The following GRIK2 variants were observed in gnomAD, a reference collection of about 807,000 sequenced individuals.
GRIK2 encodes glutamate ionotropic receptor kainate type subunit 2, also known as glutamate receptor ionotropic, kainate 2.
A neutral mutation model predicts 100.3 loss-of-function variants in GRIK2; 32 were observed. That is an observed-to-expected ratio of 0.32 (90% CI 0.24 to 0.43). The LOEUF (loss-of-function observed/expected upper bound fraction) is 0.43. Ranked by LOEUF, GRIK2 falls within the 20% of genes least tolerant of loss-of-function variation. GRIK2 has a pLI of 1.00. For missense variants in GRIK2, 843 were observed against 1,114.9 expected (o/e 0.76, Z 3.47); for synonymous variants, 417 against 389.4 (o/e 1.07, Z -0.83).
chr6:101,815,744 C>A lies in GRIK2; in HGVS notation c.1204-2626C>A, dbSNP rs370684596. Among the ~76,000 whole-genome samples the A allele has an allele frequency of 5.9e-5, 9 of 152,030 alleles. No homozygotes were observed. In the East Asian group the frequency reaches 7.8e-4, roughly 13 times the overall value. ...TTTTTGCCATTAAAACAAAACAAAACCTCTGGTGACAATTTCCTCAATGGA... is the reference window on the plus strand; with the variant it reads ...TTTTTGCCATTAAAACAAAACAAAAACTCTGGTGACAATTTCCTCAATGGA... On this transcript the variant is annotated intron_variant, in intron 9 of 16. Coordinates refer to ENST00000369134, the MANE Select transcript of GRIK2 (RefSeq NM_021956.5).
chr6:101,794,188 T>G (rs1780116549), intron 7 of GRIK2, among the ~76,000 whole-genome samples: 1 of 152,172 alleles, frequency 6.6e-6, no homozygotes, highest in African/African-American at 2.4e-5. Context: ...CTCGCCCTGC[T>G]TCGGCTCGCG....
At chr6:101,760,382 T>C (rs1227215206) in intron 7 of GRIK2, among the ~76,000 whole-genome samples, 1 of 55,306 alleles carries the variant, frequency 1.8e-5, no homozygotes, top group Non-Finnish European at 2.5e-5. Flanking sequence ...TTATTATATA[T>C]AATTAATTAT....
At chr6:101,635,685 G>T (rs767778009) in intron 4 of GRIK2, among the ~76,000 whole-genome samples, 26 of 152,214 alleles carry the variant, frequency 1.7e-4, no homozygotes, top group African/African-American at 5.8e-4. Context: ...CAAAAAGTGG[G>T]TGAAGGATAT....
At chr6:101,843,725 A>G (rs531409226) in intron 10 of GRIK2, among the ~76,000 whole-genome samples, 62 of 152,308 alleles carry the variant, frequency 4.1e-4, no homozygotes, top group African/African-American at 1.3e-3. Flanking sequence ...TAATGATGCT[A>G]AGGTAGTGCT....
chr6:101,859,940 T>G (rs531079281), intron 11 of GRIK2, among the ~76,000 whole-genome samples: 1 of 152,304 alleles, frequency 6.6e-6, no homozygotes, highest in Middle Eastern at 3.4e-3. Flanking sequence ...TTATTTTCAG[T>G]TGGAAGAATC....
intron 10 of GRIK2, among the ~76,000 whole-genome samples, chr6:101,829,156 A>G (rs1362228447): frequency 2.6e-5 from 4 of 152,106 alleles, no homozygotes; most frequent in Admixed American, 1.3e-4. Context: ...AATTAAGAAA[A>G]AAACATATGG....
intron 14 of GRIK2, among the ~76,000 whole-genome samples, chr6:101,954,536 G>A (rs898069284): frequency 6.6e-6 from 1 of 151,962 alleles, no homozygotes; most frequent in African/African-American, 2.4e-5. Context: ...AGAAATATAA[G>A]TGATTTTTGT....
intron 14 of GRIK2, among the ~76,000 whole-genome samples, chr6:102,021,188 A>G (rs962347869): frequency 2.0e-5 from 3 of 151,764 alleles, no homozygotes; most frequent in Non-Finnish European, 4.4e-5. Flanking sequence ...AAAAGTTCAA[A>G]TACTATTGTA....
chr6:101,664,437 G>A (rs759025779), intron 4 of GRIK2, among the ~76,000 whole-genome samples: 2 of 152,134 alleles, frequency 1.3e-5, no homozygotes, highest in Non-Finnish European at 2.9e-5. Flanking sequence ...ATAGCAATAA[G>A]CAAAGAGATA....
At chr6:101,658,248 C>T (rs753702957) in intron 4 of GRIK2, among the ~76,000 whole-genome samples, 4 of 152,100 alleles carry the variant, frequency 2.6e-5, no homozygotes, top group East Asian at 3.9e-4. Flanking sequence ...TGTTCTCCCT[C>T]TGTGTCCATG....
intron 2 of GRIK2, among the ~76,000 whole-genome samples, chr6:101,596,923 A>G (rs1269615131): frequency 6.6e-6 from 1 of 151,760 alleles, no homozygotes; most frequent in East Asian, 1.9e-4. Flanking sequence ...TAATCTGCCA[A>G]AAAGACACAT....
chr6:101,995,686 T>C (rs577822981), intron 14 of GRIK2, among the ~76,000 whole-genome samples: 1 of 152,024 alleles, frequency 6.6e-6, no homozygotes, highest in South Asian at 2.1e-4. Flanking sequence ...ATAATACATA[T>C]GCGAGATGTG....
At chr6:101,575,374 T>A (rs545163957) in intron 2 of GRIK2, among the ~76,000 whole-genome samples, 2 of 151,882 alleles carry the variant, frequency 1.3e-5, no homozygotes, top group South Asian at 4.1e-4. Flanking sequence ...GACATTACTT[T>A]CTGAAAAAAA....
chr6:101,432,616 A>G (rs1020586606), intron 2 of GRIK2, among the ~76,000 whole-genome samples: 1 of 152,120 alleles, frequency 6.6e-6, no homozygotes, highest in African/African-American at 2.4e-5. Flanking sequence ...ACAAATGTGC[A>G]CTTCTATTTT....
Position 101,407,622 on chromosome 6 carries a change from C to T in GRIK2, c.115+8230C>T, listed in dbSNP as rs76072422. On this transcript the variant is annotated intron_variant, in intron 2 of 16. Coordinates refer to ENST00000369134, the MANE Select transcript of GRIK2 (RefSeq NM_021956.5). The stretch of plus-strand genomic sequence containing the variant: ...CTTTTTTTTTCCTTAATGTGTAGCT[C>T]TATCAGCCTCTTGCATACCTGCTTA... Among the ~76,000 whole-genome samples, 5 of 151,892 alleles carry T rather than the reference C, an allele frequency of 3.3e-5. No homozygotes were observed. The East Asian group carries it at 9.7e-4, about 29-fold the overall frequency.
At chr6:101,857,176 TC>T (rs143537465) in intron 10 of GRIK2, among the ~76,000 whole-genome samples, 3,758 of 152,088 alleles carry the variant, frequency 0.025, 167 homozygotes, top group African/African-American at 0.085. Context: ...TGTGCCTCTG[TC>T]TCCAAGGGAT....
intron 2 of GRIK2, among the ~76,000 whole-genome samples, chr6:101,491,791 TC>T (rs1773126774): frequency 6.6e-6 from 1 of 152,000 alleles, no homozygotes; most frequent in East Asian, 1.9e-4. Context: ...CTCATGCTAA[TC>T]TACATTCAGA....
Position 101,682,055 on chromosome 6 carries a change from A to C in GRIK2, c.724-498A>C, listed in dbSNP as rs985930904. Among the ~76,000 whole-genome samples the C allele has an allele frequency of 2.6e-5, 4 of 152,220 alleles. No homozygotes were observed. The South Asian group carries it at 6.2e-4, about 24-fold the overall frequency. ...CAAAAACATTTCTTTAATTATATGTAATTTTTAAATAAGAGTGGTAATTTA... is the reference window on the plus strand; with the variant it reads ...CAAAAACATTTCTTTAATTATATGTCATTTTTAAATAAGAGTGGTAATTTA... On this transcript the variant is annotated intron_variant, in intron 5 of 16. Coordinates refer to ENST00000369134, the MANE Select transcript of GRIK2 (RefSeq NM_021956.5).
chr6:101,988,153 G>A (rs1217289518), intron 14 of GRIK2, among the ~76,000 whole-genome samples: 2 of 8,436 alleles, frequency 2.4e-4, no homozygotes, highest in African/African-American at 7.8e-4. Flanking sequence ...GCGCGCGCGC[G>A]CGTGCGCGCA....
Sources: gnomAD v4.1 joint callset for allele counts (sites outside exome capture counted in the v4.1 genomes callset) on GRCh38, gnomAD v4.1.1 for gene constraint, MANE v1.5 for transcripts, NCBI Gene and HGNC (gene_info 2026-07-23, HGNC 2026-07-21) for gene names.